LGR5: variants seen among roughly 807,000 people sequenced by gnomAD.
LGR5 encodes leucine-rich repeat-containing G protein-coupled receptor 5.
In LGR5, 54 loss-of-function variants were observed where a neutral mutation model predicts 76.7. That is an observed-to-expected ratio of 0.70 (90% CI 0.57 to 0.88). LGR5 has a LOEUF of 0.88. Ranked by LOEUF, LGR5 falls within the 40% of genes least tolerant of loss-of-function variation. The probability of loss-of-function intolerance (pLI) is 0.00; values close to 1 mark genes in which losing one functional copy is unlikely to be tolerated. For synonymous variants in LGR5, 406 were observed against 421.9 expected (o/e 0.96, Z 0.46); for missense variants, 1,078 against 1,073.3 (o/e 1.00, Z -0.06).
intron 4 of LGR5, among the ~76,000 whole-genome samples, chr12:71,546,334 A>ATATG (rs990436046): frequency 4.6e-5 from 7 of 151,460 alleles, no homozygotes; most frequent in African/African-American, 1.7e-4. Context: ...ATATATATAT[A>ATATG]TTAACTGTTT....
chr12:71,509,526 T>G (rs1032575463), intron 2 of LGR5, among the ~76,000 whole-genome samples: 1 of 152,182 alleles, frequency 6.6e-6, no homozygotes, highest in African/African-American at 2.4e-5. Flanking sequence ...TTCTATTTAC[T>G]CAGTTCTAGG....
At position 71,584,294 on chromosome 12, in the gene LGR5, T is replaced by C. The variant is rs1252653133; in HGVS notation, c.2284T>C (p.Cys762Arg). 3.7e-6 allele frequency: 6 copies of C among 1,614,222 alleles called. No individual in the cohort carries two copies. The highest frequency in any genetic ancestry group is 5.1e-6 in the Non-Finnish European group (6 of 1,180,010). Reference sequence around the variant, plus strand: ...GGGAGACCTGGAGAATATTTGGGACTGCTCTATGGTAAAACACATTGCCCT... The same window carrying C: ...GGGAGACCTGGAGAATATTTGGGACCGCTCTATGGTAAAACACATTGCCCT... ...DKGDLENIWD[C>R]SMVKHIALLL... The change falls in exon 18 of 18, where the codon TGC (cysteine) becomes CGC (arginine). Residue 762 changes from cysteine to arginine, a missense_variant. By Grantham distance (180) the Cys-to-Arg change is radical. Transcript: ENST00000266674.
At chr12:71,517,743 G>A (rs1024330404) in intron 2 of LGR5, among the ~76,000 whole-genome samples, 3 of 152,146 alleles carry the variant, frequency 2.0e-5, no homozygotes, top group African/African-American at 7.2e-5. Flanking sequence ...AACCAAACCT[G>A]AATCTGTCTT....
At chr12:71,447,212 A>G (rs1464397787) in intron 1 of LGR5, among the ~76,000 whole-genome samples, 1 of 152,196 alleles carries the variant, frequency 6.6e-6, no homozygotes, top group Non-Finnish European at 1.5e-5. Flanking sequence ...ATCCCCCAAC[A>G]TATTTTTAAA....
intron 4 of LGR5, among the ~76,000 whole-genome samples, chr12:71,544,672 T>C (rs1157718217): frequency 6.6e-6 from 1 of 152,072 alleles, no homozygotes; most frequent in African/African-American, 2.4e-5. Flanking sequence ...AATAGTTCTG[T>C]GACAAATTTA....
intron 3 of LGR5, among the ~76,000 whole-genome samples, chr12:71,524,946 G>T (rs1569036): frequency 0.76 from 115,516 of 152,110 alleles, 44,045 homozygotes; most frequent in East Asian, 0.89. Flanking sequence ...GCCTAGTGTA[G>T]AGCAGATACA....
Position 71,478,151 on chromosome 12 carries a change from C to T in LGR5, c.213-26463C>T, listed in dbSNP as rs1005192310. On this transcript the variant is annotated intron_variant, in intron 1 of 17. Coordinates refer to ENST00000266674, the MANE Select transcript of LGR5 (RefSeq NM_003667.4). ...TGTAGTCAGACTTGTTCTAAAAAGA[C>T]TTTAAATTTTATACTTATTTTTATA... Among the ~76,000 whole-genome samples the T allele has an allele frequency of 3.3e-5, 5 of 152,094 alleles. No homozygotes were observed. The East Asian group carries it at 9.6e-4, about 29-fold the overall frequency.
intron 3 of LGR5, among the ~76,000 whole-genome samples, chr12:71,528,687 A>G (rs1876144903): frequency 6.6e-6 from 1 of 152,210 alleles, no homozygotes. Flanking sequence ...TTAGAGCACA[A>G]TCATATGAAA....
intron 1 of LGR5, chr12:71,448,536 G>A (rs1797963113): frequency 6.6e-6 from 1 of 152,192 alleles, no homozygotes; most frequent in African/African-American, 2.4e-5. Flanking sequence ...ACCACATGGT[G>A]CTTGAAGGTT....
intron 1 of LGR5, among the ~76,000 whole-genome samples, chr12:71,462,306 A>T (rs1198538267): frequency 6.6e-6 from 1 of 152,100 alleles, no homozygotes; most frequent in Non-Finnish European, 1.5e-5. Flanking sequence ...TAGGCCTCTG[A>T]ATGGCTGTCA....
Position 71,584,035 on chromosome 12 carries a change from A to C in LGR5, c.2025A>C (p.Lys675Asn). 1 of 1,614,132 alleles carries C rather than the reference A, an allele frequency of 6.2e-7. No homozygotes were observed. The highest frequency in any genetic ancestry group is 8.5e-7 in the Non-Finnish European group (1 of 1,180,030). ...SVKYSAKFETKAPFSSLKVII... is the reference protein window; with the variant it reads ...SVKYSAKFETNAPFSSLKVII... The stretch of plus-strand genomic sequence containing the variant: ...AATATTCTGCAAAATTTGAAACGAA[A>C]GCTCCATTTTCTAGCCTGAAAGTAA... The change falls in exon 18 of 18, where the codon AAA becomes AAC. Residue 675 changes from lysine to asparagine, a missense_variant. Lys to Asn is a moderately conservative substitution (Grantham distance 94). Coordinates refer to ENST00000266674, the MANE Select transcript of LGR5 (RefSeq NM_003667.4).
At chr12:71,517,651 A>C (rs1017549093) in intron 2 of LGR5, among the ~76,000 whole-genome samples, 1 of 152,208 alleles carries the variant, frequency 6.6e-6, no homozygotes, top group African/African-American at 2.4e-5. Context: ...CCTGACTGTG[A>C]CCAGTATAGT....
At chr12:71,540,866 T>TA (rs371167983) in intron 4 of LGR5, among the ~76,000 whole-genome samples, 8 of 152,200 alleles carry the variant, frequency 5.3e-5, no homozygotes, top group Middle Eastern at 3.4e-3. Context: ...TCAAAGGGGT[T>TA]AAAAAAACAG....
intron 3 of LGR5, among the ~76,000 whole-genome samples, chr12:71,528,394 T>G (rs1876128218): frequency 6.6e-6 from 1 of 151,990 alleles, no homozygotes; most frequent in South Asian, 2.1e-4. Flanking sequence ...CCTAGGAGGT[T>G]GGGGCTACAG....
intron 7 of LGR5, among the ~76,000 whole-genome samples, chr12:71,561,035 A>G (rs756148897): frequency 3.3e-5 from 5 of 152,330 alleles, no homozygotes; most frequent in Middle Eastern, 3.4e-3. Flanking sequence ...AACACTTGGA[A>G]AGGAAAATAA....
intron 1 of LGR5, among the ~76,000 whole-genome samples, chr12:71,485,600 TTCA>T (rs1873790174): frequency 6.6e-6 from 1 of 151,862 alleles, no homozygotes. Context: ...TGTGGTGGCA[TTCA>T]CCAGTACTCC....
intron 2 of LGR5, among the ~76,000 whole-genome samples, chr12:71,507,556 T>C (rs963138575): frequency 6.6e-6 from 1 of 152,190 alleles, no homozygotes; most frequent in Admixed American, 6.5e-5. Context: ...AAAAGTATCA[T>C]CAGAACTTTC....
At chr12:71,514,420 T>G in intron 2 of LGR5, among the ~76,000 whole-genome samples, 1 of 151,544 alleles carries the variant, frequency 6.6e-6, no homozygotes, top group East Asian at 1.9e-4. Flanking sequence ...CATAAAAAAT[T>G]AGCCGGGCGT....
intron 4 of LGR5, among the ~76,000 whole-genome samples, chr12:71,546,595 G>A (rs909188325): frequency 3.3e-5 from 5 of 151,996 alleles, no homozygotes; most frequent in African/African-American, 1.2e-4. Context: ...TCTCATAGTA[G>A]GCCCTTCCTC....
Sources: allele counts gnomAD v4.1 joint callset (sites outside exome capture counted in the v4.1 genomes callset), GRCh38; gene constraint gnomAD v4.1.1; transcripts MANE v1.5; gene names NCBI Gene and HGNC (gene_info 2026-07-23, HGNC 2026-07-21).